The following CRIM1 variants were observed in gnomAD, a reference collection of about 807,000 sequenced individuals.
CRIM1 encodes cysteine rich transmembrane BMP regulator 1, also known as cysteine-rich motor neuron 1 protein.
Under a neutral mutation model 116.4 loss-of-function variants are expected in CRIM1, and 32 were observed. The ratio of observed to expected loss-of-function variants is 0.27; its 90% CI spans 0.21 to 0.37. CRIM1 has a LOEUF of 0.37. Ranked by LOEUF, CRIM1 falls within the 10% of genes least tolerant of loss-of-function variation. The pLI, the probability that CRIM1 is intolerant of heterozygous loss-of-function variation, is 1.00. For synonymous variants in CRIM1, 590 were observed against 509.2 expected, an observed-to-expected ratio of 1.16 and a Z score of -2.13; for missense variants, 1,331 against 1,354.8, an observed-to-expected ratio of 0.98 and a Z score of 0.28.
At chr2:36,412,361 T>C (rs1673280310) in intron 2 of CRIM1, among the ~76,000 whole-genome samples, 1 of 152,206 alleles carries the variant, frequency 6.6e-6, no homozygotes, top group African/African-American at 2.4e-5. Flanking sequence ...ATTTCTGCGT[T>C]TAACCCATTC....
intron 1 of CRIM1, among the ~76,000 whole-genome samples, chr2:36,372,302 G>C (rs1669997227): frequency 6.6e-6 from 1 of 152,180 alleles, no homozygotes. Context: ...TATGACTTCA[G>C]AGACAGGAAT....
Position 36,396,639 on chromosome 2 carries a change from G to T in CRIM1, c.357G>T (p.Leu119=), listed in dbSNP as rs754121452. The part of the protein sequence containing the change: ...CEDENWTDDQ[L]LGFKPCNENL... ...ATGAGAACTGGACTGATGACCAACTGCTTGGTTTTAAACCATGCAATGAAA... is the reference window on the plus strand; with the variant it reads ...ATGAGAACTGGACTGATGACCAACTTCTTGGTTTTAAACCATGCAATGAAA... Residue 119 remains leucine, a synonymous_variant, in exon 2 of 17, where the codon CTG becomes CTT. Transcript: ENST00000280527. 1.2e-6 allele frequency: 2 copies of T among 1,606,716 alleles called. No homozygotes were observed. Among genetic ancestry groups the T allele is most frequent in the African/African-American group, 2.7e-5 (2 of 74,964 alleles).
At chr2:36,479,793 T>C in intron 7 of CRIM1, 99 bp downstream of exon 7, 1 of 1,213,644 alleles carries the variant, frequency 8.2e-7, no homozygotes, top group Non-Finnish European at 1.2e-6. Flanking sequence ...TTGGGCATAA[T>C]GTCTGCTTCA....
At chr2:36,383,059 T>A (rs897953817) in intron 1 of CRIM1, among the ~76,000 whole-genome samples, 1 of 152,196 alleles carries the variant, frequency 6.6e-6, no homozygotes, top group Non-Finnish European at 1.5e-5. Flanking sequence ...TTTTTGAGAC[T>A]TCTTTTCCAC....
intron 2 of CRIM1, among the ~76,000 whole-genome samples, chr2:36,411,746 A>C (rs924425374): frequency 3.9e-5 from 6 of 151,994 alleles, no homozygotes; most frequent in Non-Finnish European, 8.8e-5. Context: ...TTCTCTGGTT[A>C]AGTGTTTCCT....
At chr2:36,500,983 C>T (rs907019226) in intron 8 of CRIM1, among the ~76,000 whole-genome samples, 2 of 152,164 alleles carry the variant, frequency 1.3e-5, no homozygotes, top group African/African-American at 4.8e-5. Flanking sequence ...TCCTGGTAGT[C>T]AGTGCTTTAT....
rs889456660 is a variant in CRIM1, at chr2:36,384,484, C to A, written c.332-12130C>A. 3.3e-5 allele frequency among the ~76,000 whole-genome samples: 5 copies of A among 152,286 alleles called. No individual in the cohort carries two copies. The East Asian group carries it at 7.7e-4, about 23-fold the overall frequency. ...GTCTGTTAGGTATAGAGGTAAGATA[C>A]TACACAAAGGAAACTCAGTTTTGTG... On this transcript the variant is annotated intron_variant, in intron 1 of 16. Coordinates refer to ENST00000280527, the MANE Select transcript of CRIM1 (RefSeq NM_016441.3).
At chr2:36,446,419 G>A (rs984052471) in intron 4 of CRIM1, among the ~76,000 whole-genome samples, 2 of 152,172 alleles carry the variant, frequency 1.3e-5, no homozygotes, top group African/African-American at 4.8e-5. Flanking sequence ...TACTGTGCAT[G>A]GGTTTCACTT....
chr2:36,422,788 G>C (rs1383587083), intron 2 of CRIM1, among the ~76,000 whole-genome samples: 1 of 152,184 alleles, frequency 6.6e-6, no homozygotes, highest in Non-Finnish European at 1.5e-5. Flanking sequence ...CTTCGGAAAT[G>C]GTTGTTCTCA....
rs1677340695 is a variant in CRIM1, at chr2:36,458,739, T to G, written c.870-5795T>G. Among the ~76,000 whole-genome samples, 5 of 152,176 alleles carry G rather than the reference T, an allele frequency of 3.3e-5. No individual in the cohort carries two copies. In the South Asian group the frequency reaches 8.3e-4, roughly 25 times the overall value. On this transcript the variant is annotated intron_variant, in intron 4 of 16. Transcript: ENST00000280527. The stretch of plus-strand genomic sequence containing the variant: ...AGGGTGCAGGTGAGTGAGAAGAGGA[T>G]GAGCTGAGGTCAGTTTGCAGCAGTG...
At chr2:36,450,225 T>A (rs1382849610) in intron 4 of CRIM1, among the ~76,000 whole-genome samples, 1 of 152,140 alleles carries the variant, frequency 6.6e-6, no homozygotes, top group Non-Finnish European at 1.5e-5. Flanking sequence ...GTGTGTATGG[T>A]TCCTGGTGCC....
intron 1 of CRIM1, among the ~76,000 whole-genome samples, chr2:36,361,784 G>T (rs1558498253): frequency 6.6e-6 from 1 of 152,170 alleles, no homozygotes; most frequent in South Asian, 2.1e-4. Flanking sequence ...AATACATTTA[G>T]TGAAGCGGGT....
chr2:36,459,422 A>G (rs999420766), intron 4 of CRIM1, among the ~76,000 whole-genome samples: 4 of 152,240 alleles, frequency 2.6e-5, no homozygotes, highest in African/African-American at 7.2e-5. Flanking sequence ...CTTAGTATCC[A>G]TGAAAAAGTT....
At chr2:36,512,235 G>C in intron 9 of CRIM1, 38 bp from the exon 10 acceptor site, 1 of 1,602,404 alleles carries the variant, frequency 6.2e-7, no homozygotes, top group Non-Finnish European at 8.5e-7. Flanking sequence ...TTGAGACTTT[G>C]TGATTTTCTG....
chr2:36,547,250 T>C (rs1271760160), intron 16 of CRIM1, 79 bp downstream of exon 16: 1 of 1,215,186 alleles, frequency 8.2e-7, no homozygotes, highest in Non-Finnish European at 1.2e-6. Context: ...CTTGAAACCT[T>C]GTGTCTTAAC....
intron 14 of CRIM1, among the ~76,000 whole-genome samples, chr2:36,539,219 A>G (rs1666769508): frequency 6.6e-6 from 1 of 152,124 alleles, no homozygotes; most frequent in Non-Finnish European, 1.5e-5. Context: ...ACAAGATGAG[A>G]TTTAATGAAG....
At chr2:36,526,521 CTT>C (rs1665767864) in intron 13 of CRIM1, among the ~76,000 whole-genome samples, 1 of 152,138 alleles carries the variant, frequency 6.6e-6, no homozygotes, top group African/African-American at 2.4e-5. Context: ...TCAGTGAAGT[CTT>C]TATTTCATGA....
intron 2 of CRIM1, among the ~76,000 whole-genome samples, chr2:36,421,971 C>G (rs552953668): frequency 7.4e-4 from 113 of 152,032 alleles, no homozygotes; most frequent in Middle Eastern, 6.8e-3. Context: ...AATAGGTAAG[C>G]ACTTTGGAGA....
At chr2:36,473,196 G>C (rs141405934) in intron 5 of CRIM1, among the ~76,000 whole-genome samples, 3 of 152,098 alleles carry the variant, frequency 2.0e-5, no homozygotes, top group African/African-American at 7.2e-5. Context: ...CTCCAAATGC[G>C]GTGAAAGTAT....
Sources: gnomAD v4.1 joint callset for allele counts (sites outside exome capture counted in the v4.1 genomes callset) on GRCh38, gnomAD v4.1.1 for gene constraint, MANE v1.5 for transcripts, NCBI Gene and HGNC (gene_info 2026-07-23, HGNC 2026-07-21) for gene names.